Variants in DBN1 observed in about 807,000 individuals in gnomAD.
The protein encoded by DBN1 is drebrin.
DBN1 carries 21 observed loss-of-function variants against 83.5 expected under a neutral mutation model. The ratio of observed to expected loss-of-function variants is 0.25; its 90% CI spans 0.18 to 0.36. The LOEUF is 0.36. Ranked by LOEUF, DBN1 falls within the 10% of genes least tolerant of loss-of-function variation. The probability of loss-of-function intolerance (pLI) is 1.00; values close to 1 mark genes in which losing one functional copy is unlikely to be tolerated. For missense variants in DBN1, 874 were observed against 935.7 expected (o/e 0.93, Z 0.86); for synonymous variants, 381 against 384.9 (o/e 0.99, Z 0.12).
rs1202945696 is a variant in DBN1, at chr5:177,467,083, A to G, written c.556-21T>C. ...TCCTTCTGCAAGCCCCGGTGCGAAC[A>G]AGGGTAGGCCCCGAGCCTAGGCGCC... On this transcript the variant is annotated intron_variant, in intron 6 of 14. Transcript: ENST00000393565. The surrounding 1 kb of genome is among the most constrained non-coding windows in gnomAD (Gnocchi z 9.1). 6.2e-7 allele frequency: 1 copy of G among 1,613,382 alleles called. No individual in the cohort carries two copies. The highest frequency in any genetic ancestry group is 8.5e-7 in the Non-Finnish European group (1 of 1,179,866).
At position 177,467,761 on chromosome 5, in the gene DBN1, C is replaced by T. The variant is rs1249501851; in HGVS notation, c.312G>A (p.Lys104=). 3.9e-6 allele frequency: 6 copies of T among 1,554,586 alleles called. No individual in the cohort carries two copies. Among genetic ancestry groups the T allele is most frequent in the Middle Eastern group, 1.7e-4 (1 of 5,992 alleles). The stretch of plus-strand genomic sequence containing the variant: ...CACGCACCTGGAAGAACTCCGCCAC[C>T]TTAGCCACGTGGCTGGCACAAGCGC... ...RKCACASHVA[K]VAEFFQGVDV... Residue 104 remains lysine, a synonymous_variant, in exon 4 of 15, where the codon AAG becomes AAA. Coordinates refer to ENST00000393565, the MANE Select transcript of DBN1 (RefSeq NM_001363541.2). This position sits in a 1 kb window ranked among gnomAD's most constrained non-coding sequence, Gnocchi z 9.1.
Position 177,458,706 on chromosome 5 carries a change from C to G in DBN1, c.1266G>C (p.Glu422Asp). 6.6e-7 allele frequency: 1 copy of G among 1,515,218 alleles called. No individual in the cohort carries two copies. Among genetic ancestry groups the G allele is most frequent in the East Asian group, 2.3e-5 (1 of 43,940 alleles). The allele number at this position is 1,515,218 out of a possible 1,614,324, so 93.9% of individuals were successfully genotyped here. ...PLPPPPPPAQ[E>D]TQEPSPILDS... ...CTAGGATGGGGCTGGGCTCCTGGGT[C>G]TCTGTCACAGCACAGGCAGAGGAGA... The change falls in exon 13 of 15, where the codon GAG becomes GAC. Residue 422 changes from glutamate to aspartate, a missense_variant and splice_region_variant. Physicochemically the swap from Glu to Asp is conservative, Grantham distance 45. Coordinates refer to ENST00000393565, the MANE Select transcript of DBN1 (RefSeq NM_001363541.2).
chr5:177,460,480 C>A lies in DBN1; in HGVS notation c.907G>T (p.Ala303Ser). The change falls in exon 10 of 15, where the codon GCC (alanine) becomes TCC (serine). Residue 303 changes from alanine (A) to serine (S), a missense_variant. By Grantham distance (99) the Ala-to-Ser change is moderately conservative. Around this residue, in one of 4 missense-constraint regions of DBN1, gnomAD observed 725 missense variants for 719.7 expected, o/e 1.01. Transcript: ENST00000393565. ...FFKQQERVAS[A>S]SAGSCDVPSP... is the part of the protein sequence containing the mutation. ...GGTACATCACAGCTGCCCGCAGAGG[C>A]CGATGCGACTCTTTCCTGCTGCTTG... 1 of 1,614,094 alleles carries A rather than the reference C, an allele frequency of 6.2e-7. No homozygotes were observed. Among genetic ancestry groups the A allele is most frequent in the Non-Finnish European group, 8.5e-7 (1 of 1,179,972 alleles).
chr5:177,463,915 GAC>G (rs1757223269), intron 8 of DBN1, among the ~76,000 whole-genome samples: 2 of 152,148 alleles, frequency 1.3e-5, no homozygotes, highest in Admixed American at 1.3e-4. Context: ...AGGAGTTTGA[GAC>G]CAGCCTGGCC....
rs1459548431 is a variant in DBN1, at chr5:177,467,832, G to A, written c.256-15C>T. 1 of 1,570,250 alleles carries A rather than the reference G, an allele frequency of 6.4e-7. No individual in the cohort carries two copies. The highest frequency in any genetic ancestry group is 1.4e-5 in the African/African-American group (1 of 73,554). ...TCTTCGCCCACCTGCAAAGTACCCA[G>A]CAAAGAGGGGGTCAGGAAAGGACAA... On this transcript the variant is annotated splice_polypyrimidine_tract_variant and intron_variant, in intron 3 of 14. Transcript: ENST00000393565. This position sits in a 1 kb window ranked among gnomAD's most constrained non-coding sequence, Gnocchi z 9.1.
At position 177,473,470 on chromosome 5, in the gene DBN1, C is replaced by G; in HGVS notation, c.52G>C (p.Glu18Gln). The stretch of plus-strand genomic sequence containing the variant: ...GCGCTCTCCTCTCGGATCACCTCCT[C>G]GTAAGCCGCCAGCAGCTCCAGGCGG... ...GHRLELLAAY[E>Q]EVIREESAAD... The change falls in exon 1 of 15, where the codon GAG becomes CAG. Residue 18 changes from glutamate to glutamine, a missense_variant. Glu to Gln is a conservative substitution (Grantham distance 29). Transcript: ENST00000393565. 2 of 1,435,642 alleles carry G rather than the reference C, an allele frequency of 1.4e-6. No homozygotes were observed. Among genetic ancestry groups the G allele is most frequent in the East Asian group, 3.0e-5 (1 of 33,436 alleles). 88.9% of individuals were successfully genotyped at this position (1,435,642 alleles called of 1,614,324 possible). A position where few individuals can be genotyped will look rare whatever the true frequency, so the allele number is the denominator to read the frequency against.
rs760768420 is a variant in DBN1, at chr5:177,459,086, T to C, written c.1264+12A>G. The C allele has an allele frequency of 1.3e-6, 2 of 1,594,332 alleles. No homozygotes were observed. Among genetic ancestry groups the C allele is most frequent in the Admixed American group, 3.6e-5 (2 of 55,794 alleles). ...GATGGGAGGCCTGGTGCAGGTAGCA[T>C]CCCTCTCTCACCTTGGGCTGGTGGG... On this transcript the variant is annotated intron_variant, in intron 12 of 14. Coordinates refer to ENST00000393565, the MANE Select transcript of DBN1 (RefSeq NM_001363541.2).
intron 1 of DBN1, among the ~76,000 whole-genome samples, chr5:177,469,802 C>T (rs1348541335): frequency 1.3e-5 from 2 of 152,212 alleles, no homozygotes; most frequent in African/African-American, 4.8e-5. Flanking sequence ...TGAGGACCCT[C>T]TGGGAGGGAG....
Position 177,466,474 on chromosome 5 carries a change from C to T in DBN1, c.771+298G>A, listed in dbSNP as rs1375186242. ...AGAGTGCAGAACAGTGTCTAATCGC[C>T]GAGAAACCCCAGGGCAGGGGAGGGG... On this transcript the variant is annotated intron_variant, in intron 8 of 14. Transcript: ENST00000393565. The surrounding 1 kb of genome is among the most constrained non-coding windows in gnomAD (Gnocchi z 4.8). 2.0e-5 allele frequency among the ~76,000 whole-genome samples: 3 copies of T among 152,184 alleles called. No homozygotes were observed. Among genetic ancestry groups the T allele is most frequent in the South Asian group, 2.1e-4 (1 of 4,826 alleles).
chr5:177,458,448 G>A lies in DBN1; in HGVS notation c.1524C>T (p.Thr508=). 6.2e-7 allele frequency: 1 copy of A among 1,614,212 alleles called. No homozygotes were observed. The highest frequency in any genetic ancestry group is 8.5e-7 in the Non-Finnish European group (1 of 1,180,016). Residue 508 remains threonine (T), a synonymous_variant, in exon 13 of 15, where the codon ACC becomes ACT. Coordinates refer to ENST00000393565, the MANE Select transcript of DBN1 (RefSeq NM_001363541.2). ...TIETDTATAD[T]TVANNVPPAA... ...CGGGGGGTACGTTGTTGGCAACAGT[G>A]GTGTCAGCAGTGGCAGTGTCAGTTT...
intron 1 of DBN1, chr5:177,472,126 A>T: frequency 6.2e-7 from 1 of 1,609,822 alleles, no homozygotes; most frequent in Non-Finnish European, 8.5e-7. Context: ...GACCTGCAGG[A>T]CACGAGAGCT....
Position 177,467,991 on chromosome 5 carries a change from C to T in DBN1, c.255+117G>A, listed in dbSNP as rs1448580325. 1 of 1,048,858 alleles carries T rather than the reference C, an allele frequency of 9.5e-7. No homozygotes were observed. Among genetic ancestry groups the T allele is most frequent in the South Asian group, 1.4e-5 (1 of 73,268 alleles). The allele number at this position is 1,048,858 out of a possible 1,614,324, so 65.0% of individuals were successfully genotyped here. A position where few individuals can be genotyped will look rare whatever the true frequency, so the allele number is the denominator to read the frequency against. ...CAGTTCCCTTCCCCAGCCCCGGCCG[C>T]ATACCCAGTTGATGAGCAGCTCTGG... is the stretch of plus-strand genomic sequence containing the variant. On this transcript the variant is annotated intron_variant, in intron 3 of 14. Coordinates refer to ENST00000393565, the MANE Select transcript of DBN1 (RefSeq NM_001363541.2). The surrounding 1 kb of genome is among the most constrained non-coding windows in gnomAD (Gnocchi z 9.1).
At chr5:177,464,317 A>T (rs1253968700) in intron 8 of DBN1, among the ~76,000 whole-genome samples, 2 of 141,618 alleles carry the variant, frequency 1.4e-5, no homozygotes, top group Admixed American at 7.1e-5. Context: ...ATGGTGGTGC[A>T]CGCCTGTAAT....
intron 1 of DBN1, 24 bp downstream of exon 1, chr5:177,473,412 C>T: frequency 3.1e-6 from 4 of 1,284,212 alleles, no homozygotes; most frequent in South Asian, 3.4e-5. Context: ...ACAAAGGGGC[C>T]GGGGGCGGGG....
chr5:177,473,364 G>T (rs1757989530), intron 1 of DBN1, 72 bp downstream of exon 1: 1 of 920,398 alleles, frequency 1.1e-6, no homozygotes, highest in Admixed American at 3.4e-5. Context: ...CGGGGCGGCG[G>T]GGCGGGAGAG....
chr5:177,466,339 G>C lies in DBN1; in HGVS notation c.771+433C>G, dbSNP rs757594242. Among the ~76,000 whole-genome samples the C allele has an allele frequency of 7.2e-5, 11 of 152,208 alleles. No homozygotes were observed. Among genetic ancestry groups the C allele is most frequent in the Admixed American group, 6.5e-4 (10 of 15,284 alleles). On this transcript the variant is annotated intron_variant, in intron 8 of 14. Transcript: ENST00000393565. The surrounding 1 kb of genome is among the most constrained non-coding windows in gnomAD (Gnocchi z 4.8). ...TCAGACAGTACCCCTGGAACAAAGG[G>C]GCTGCTCCCAGGGAGATGCTGCTCC...
intron 1 of DBN1, chr5:177,472,133 AGCTTGTC>A (rs1757891686): frequency 6.2e-7 from 1 of 1,610,570 alleles, no homozygotes; most frequent in Non-Finnish European, 8.5e-7. Flanking sequence ...AGGACACGAG[AGCTTGTC>A]TCTCGCGTCC....
chr5:177,460,758 CCTT>C (rs1282425025), intron 8 of DBN1, 55 bp from the exon 9 acceptor site: 3 of 1,565,886 alleles, frequency 1.9e-6, no homozygotes, highest in African/African-American at 1.4e-5. Context: ...GGGCTTTTGG[CCTT>C]CTTTTTTACT....
At chr5:177,464,645 ATAAT>A (rs1229032233) in intron 8 of DBN1, among the ~76,000 whole-genome samples, 4 of 135,394 alleles carry the variant, frequency 3.0e-5, no homozygotes, top group African/African-American at 5.4e-5. Flanking sequence ...AAATAAATAA[ATAAT>A]AAACTTTATC....
Sources: gnomAD v4.1 joint callset for allele counts (sites outside exome capture counted in the v4.1 genomes callset) on GRCh38, gnomAD v4.1.1 for gene constraint, gnomAD v4.1.1 regional missense constraint, Gnocchi (gnomAD v3.1) non-coding constraint, MANE v1.5 for transcripts, NCBI Gene and HGNC (gene_info 2026-07-23, HGNC 2026-07-21) for gene names.